The following SIK2 variants were observed in gnomAD, a reference collection of about 807,000 sequenced individuals.
The protein encoded by SIK2 is serine/threonine-protein kinase SIK2.
SIK2 carries 29 observed loss-of-function variants against 103.2 expected under a neutral mutation model. The ratio of observed to expected loss-of-function variants is 0.28; its 90% CI spans 0.21 to 0.38. The LOEUF is 0.38. Ranked by LOEUF, SIK2 falls within the 10% of genes least tolerant of loss-of-function variation. The pLI is 1.00. For missense variants in SIK2, 879 were observed against 1,171.0 expected, an observed-to-expected ratio of 0.75 and a Z score of 3.64; for synonymous variants, 412 against 446.1, an observed-to-expected ratio of 0.92 and a Z score of 0.96.
At chr11:111,712,119 C>A in intron 8 of SIK2, 92 bp from the exon 9 acceptor site, 2 of 1,273,608 alleles carry the variant, frequency 1.6e-6, no homozygotes, top group East Asian at 4.7e-5. Flanking sequence ...TCTTTAATTG[C>A]CACAGGAAGA....
chr11:111,697,446 A>T (rs533316888), intron 4 of SIK2, among the ~76,000 whole-genome samples: 2 of 152,314 alleles, frequency 1.3e-5, no homozygotes, highest in South Asian at 4.1e-4. Context: ...TAAAATAATA[A>T]ATAATAATAG....
chr11:111,711,672 T>G (rs780657228), intron 8 of SIK2, among the ~76,000 whole-genome samples: 14 of 152,208 alleles, frequency 9.2e-5, no homozygotes, highest in Non-Finnish European at 1.8e-4. Context: ...CTGCTTCTCT[T>G]TCTTCCTCTT....
intron 3 of SIK2, among the ~76,000 whole-genome samples, chr11:111,626,138 T>C (rs990588670): frequency 6.6e-6 from 1 of 152,172 alleles, no homozygotes; most frequent in African/African-American, 2.4e-5. Context: ...CACAGAAAAG[T>C]TGGACAGTGA....
intron 3 of SIK2, among the ~76,000 whole-genome samples, chr11:111,651,189 G>A (rs1347462968): frequency 6.6e-6 from 1 of 152,144 alleles, no homozygotes; most frequent in Non-Finnish European, 1.5e-5. Flanking sequence ...GTAGCAATCT[G>A]TAGGAATTAG....
At chr11:111,690,334 C>T (rs536286137) in intron 4 of SIK2, among the ~76,000 whole-genome samples, 1 of 150,670 alleles carries the variant, frequency 6.6e-6, no homozygotes, top group Non-Finnish European at 1.5e-5. Flanking sequence ...TCCTGCTACA[C>T]CTTTACATTC....
At chr11:111,709,180 T>C (rs1157950770) in intron 8 of SIK2, among the ~76,000 whole-genome samples, 1 of 152,224 alleles carries the variant, frequency 6.6e-6, no homozygotes, top group Non-Finnish European at 1.5e-5. Flanking sequence ...TCTTGGCTTG[T>C]AGCTGGCTGT....
chr11:111,618,024 G>A (rs1023557480), intron 2 of SIK2, among the ~76,000 whole-genome samples: 3 of 152,008 alleles, frequency 2.0e-5, no homozygotes, highest in Non-Finnish European at 2.9e-5. Flanking sequence ...CTTCAGCTAG[G>A]ACTACAAGTG....
In SIK2 at chr11:111,724,382, A is replaced by G. The variant is rs1943904507; in HGVS notation, c.*253A>G. The G allele has an allele frequency of 5.7e-6, 3 of 529,420 alleles. No individual in the cohort carries two copies. Among genetic ancestry groups the G allele is most frequent in the Non-Finnish European group, 1.0e-5 (3 of 297,430 alleles). 32.8% of individuals were successfully genotyped at this position (529,420 alleles called of 1,614,324 possible). ...AGGCTCCTGCCCTTCGGTCGAGTGG[A>G]GCAAGCTCTCGAGGGCAGCACTGAC... On this transcript the variant is annotated 3_prime_UTR_variant, in exon 15 of 15. Transcript: ENST00000304987.
At chr11:111,650,065 T>A (rs73560642) in intron 3 of SIK2, among the ~76,000 whole-genome samples, 2,676 of 152,218 alleles carry the variant, frequency 0.018, 107 homozygotes, top group African/African-American at 0.06. Context: ...AGCTTTATTG[T>A]TTGATTGTGA....
At chr11:111,645,290 A>G (rs562991276) in intron 3 of SIK2, among the ~76,000 whole-genome samples, 13 of 152,336 alleles carry the variant, frequency 8.5e-5, no homozygotes, top group South Asian at 6.2e-4. Flanking sequence ...GTTATTTTCA[A>G]TAGTTCAAAA....
At chr11:111,621,164 G>C (rs493810) in intron 3 of SIK2, among the ~76,000 whole-genome samples, 2 of 152,010 alleles carry the variant, frequency 1.3e-5, no homozygotes, top group Non-Finnish European at 2.9e-5. Flanking sequence ...TTGTGAAACA[G>C]TCACCACAGT....
At chr11:111,719,468 C>A (rs1222413552) in intron 9 of SIK2, among the ~76,000 whole-genome samples, 2 of 148,132 alleles carry the variant, frequency 1.4e-5, no homozygotes, top group Non-Finnish European at 3.0e-5. Context: ...TGGTAGTCCT[C>A]AAACTAATAT....
At chr11:111,635,282 C>T (rs1942091448) in intron 3 of SIK2, among the ~76,000 whole-genome samples, 1 of 151,440 alleles carries the variant, frequency 6.6e-6, no homozygotes, top group African/African-American at 2.4e-5. Context: ...TTCTGAACCT[C>T]AGTGTGTTCT....
intron 3 of SIK2, among the ~76,000 whole-genome samples, chr11:111,628,874 G>A (rs1362124892): frequency 2.0e-5 from 3 of 151,964 alleles, no homozygotes; most frequent in Admixed American, 1.3e-4. Context: ...TATGTAAGAG[G>A]CATATTTTAG....
At chr11:111,617,670 A>G (rs1941825535) in intron 2 of SIK2, among the ~76,000 whole-genome samples, 1 of 152,216 alleles carries the variant, frequency 6.6e-6, no homozygotes, top group African/African-American at 2.4e-5. Context: ...GATTAGCACA[A>G]ATGTGCTTGG....
rs1464069138 is a variant in SIK2, at chr11:111,622,708, A to G, written c.316+2306A>G. 4.4e-5 allele frequency among the ~76,000 whole-genome samples: 4 copies of G among 90,902 alleles called. No individual in the cohort carries two copies. The East Asian group carries it at 0.01, about 230-fold the overall frequency. 59.6% of individuals were successfully genotyped at this position (90,902 alleles called of 152,430 possible). ...ATTCTAAATGGACTTTTTTTCTTTCAGTACTTTAAATATGTTGCTTCACTG... is the reference window on the plus strand; with the variant it reads ...ATTCTAAATGGACTTTTTTTCTTTCGGTACTTTAAATATGTTGCTTCACTG... On this transcript the variant is annotated intron_variant, in intron 3 of 14. Coordinates refer to ENST00000304987, the MANE Select transcript of SIK2 (RefSeq NM_015191.3).
chr11:111,714,944 A>G (rs1031012929), intron 9 of SIK2, among the ~76,000 whole-genome samples: 1 of 152,234 alleles, frequency 6.6e-6, no homozygotes, highest in Non-Finnish European at 1.5e-5. Context: ...AAAGAATTAA[A>G]ATGCAGTTGA....
chr11:111,640,781 C>G (rs932218088), intron 3 of SIK2, among the ~76,000 whole-genome samples: 2 of 109,748 alleles, frequency 1.8e-5, no homozygotes, highest in African/African-American at 7.2e-5. Context: ...GTAGCCCAGG[C>G]TTGAGTGCAG....
chr11:111,663,268 C>G (rs1317723239), intron 3 of SIK2, among the ~76,000 whole-genome samples: 1 of 151,492 alleles, frequency 6.6e-6, no homozygotes, highest in Non-Finnish European at 1.5e-5. Context: ...AAGGTAGAGT[C>G]TCTGAGGTGG....
Sources: gnomAD v4.1 joint callset for allele counts (sites outside exome capture counted in the v4.1 genomes callset) on GRCh38, gnomAD v4.1.1 for gene constraint, MANE v1.5 for transcripts, NCBI Gene and HGNC (gene_info 2026-07-23, HGNC 2026-07-21) for gene names.